SEMA5A: variants seen among roughly 807,000 people sequenced by gnomAD.
SEMA5A encodes semaphorin-5A.
A neutral mutation model predicts 135.5 loss-of-function variants in SEMA5A; 55 were observed. The ratio of observed to expected loss-of-function variants is 0.41; its 90% CI spans 0.33 to 0.51. The LOEUF (loss-of-function observed/expected upper bound fraction) is 0.51. SEMA5A is among the 20% of genes least tolerant of loss of function. The probability of loss-of-function intolerance (pLI) is 0.37; values close to 1 mark genes in which losing one functional copy is unlikely to be tolerated. For synonymous variants in SEMA5A, 580 were observed against 546.5 expected, an observed-to-expected ratio of 1.06 and a Z score of -0.85; for missense variants, 1,290 against 1,419.9, an observed-to-expected ratio of 0.91 and a Z score of 1.47.
intron 15 of SEMA5A, among the ~76,000 whole-genome samples, chr5:9,111,540 T>G (rs1011619675): frequency 6.6e-6 from 1 of 152,198 alleles, no homozygotes; most frequent in Admixed American, 6.5e-5. Flanking sequence ...TAATAAATTG[T>G]CTACTGAGCT....
intron 1 of SEMA5A, among the ~76,000 whole-genome samples, chr5:9,502,447 T>G (rs771032707): frequency 6.6e-6 from 1 of 152,202 alleles, no homozygotes; most frequent in Non-Finnish European, 1.5e-5. Flanking sequence ...TTGAAGTAGC[T>G]GAGACATTCA....
In SEMA5A at chr5:9,131,650, AAAAAAAAAC is replaced by A. The variant is rs1741437869; in HGVS notation, c.1599+4845_1599+4853del. ...AAAAAAAAAAAAAAAAAAAAAAAAA[AAAAAAAAAC>A]CTGTCATGTGAGCAATAGAGCAAGA... On this transcript the variant is annotated intron_variant, in intron 13 of 22. Coordinates refer to ENST00000382496, the MANE Select transcript of SEMA5A (RefSeq NM_003966.3). Among the ~76,000 whole-genome samples, 16 of 46,560 alleles carry A rather than the reference AAAAAAAAAC, an allele frequency of 3.4e-4. 4 individuals carry two copies. The highest frequency in any genetic ancestry group is 5.4e-4 in the Non-Finnish European group (10 of 18,562). 30.5% of individuals were successfully genotyped at this position (46,560 alleles called of 152,430 possible).
intron 14 of SEMA5A, among the ~76,000 whole-genome samples, chr5:9,119,983 G>C (rs1219050365): frequency 6.6e-6 from 1 of 151,938 alleles, no homozygotes; most frequent in African/African-American, 2.4e-5. Context: ...AAATGTTTTA[G>C]TATTGTATTT....
intron 15 of SEMA5A, among the ~76,000 whole-genome samples, chr5:9,118,300 T>A (rs993802590): frequency 1.3e-5 from 2 of 152,210 alleles, no homozygotes; most frequent in Admixed American, 1.3e-4. Flanking sequence ...TAAACATTAA[T>A]AGTATATTTA....
At chr5:9,543,154 A>T (rs999524472) in intron 1 of SEMA5A, among the ~76,000 whole-genome samples, 1 of 152,242 alleles carries the variant, frequency 6.6e-6, no homozygotes, top group Non-Finnish European at 1.5e-5. Context: ...GGCCACTAGC[A>T]CACGGTACAG....
At chr5:9,348,249 A>G (rs1753962930) in intron 3 of SEMA5A, among the ~76,000 whole-genome samples, 1 of 152,216 alleles carries the variant, frequency 6.6e-6, no homozygotes, top group Admixed American at 6.5e-5. Context: ...AACCATCTGA[A>G]GCAATTAATT....
At chr5:9,259,593 A>G (rs1247055945) in intron 5 of SEMA5A, among the ~76,000 whole-genome samples, 1 of 152,032 alleles carries the variant, frequency 6.6e-6, no homozygotes, top group African/African-American at 2.4e-5. Flanking sequence ...GCTGAGTTCA[A>G]TTCCTGGGTA....
rs117594794 is a variant in SEMA5A, at chr5:9,077,901, G to A, written c.2074-11255C>T. Among the ~76,000 whole-genome samples the A allele has an allele frequency of 1.1e-3, 167 of 152,288 alleles. 1 individual carries two copies. In the East Asian group the frequency reaches 0.029, roughly 26 times the overall value. On this transcript the variant is annotated intron_variant, in intron 16 of 22. Transcript: ENST00000382496. ...GCACAACATATATATGTGCGTGTAC[G>A]TACAAAAATGGAACTACCTTTCCTC...
chr5:9,139,340 T>C (rs1741937534), intron 12 of SEMA5A, among the ~76,000 whole-genome samples: 1 of 152,216 alleles, frequency 6.6e-6, no homozygotes, highest in Admixed American at 6.5e-5. Flanking sequence ...ATTATTAAAT[T>C]TGGACCAACC....
chr5:9,190,439 G>C lies in SEMA5A; in HGVS notation c.1101C>G (p.Asn367Lys). 2 of 1,613,740 alleles carry C rather than the reference G, an allele frequency of 1.2e-6. No individual in the cohort carries two copies. Among genetic ancestry groups the C allele is most frequent in the East Asian group, 4.5e-5 (2 of 44,856 alleles). ...CGTVDQGLYVNLTERNLQDAQ... is the reference protein window; with the variant it reads ...CGTVDQGLYVKLTERNLQDAQ... ...CATCCTGCAGATTTCTCTCGGTCAG[G>C]TTCACGTACAGGCCCTGGTCCACGG... Residue 367 changes from asparagine (N) to lysine (K), a missense_variant, in exon 11 of 23, where the codon AAC (asparagine) becomes AAG (lysine). Physicochemically the swap from Asn to Lys is moderately conservative, Grantham distance 94. Transcript: ENST00000382496.
intron 4 of SEMA5A, 69 bp from the exon 5 acceptor site, chr5:9,318,486 T>C (rs143837678): frequency 7.6e-7 from 1 of 1,309,784 alleles, no homozygotes; most frequent in Non-Finnish European, 1.1e-6. Flanking sequence ...TTATAAAAAT[T>C]TCAAGAACAA....
intron 11 of SEMA5A, among the ~76,000 whole-genome samples, chr5:9,163,978 T>C (rs1487446139): frequency 7.1e-6 from 1 of 140,530 alleles, no homozygotes; most frequent in Admixed American, 7.2e-5. Context: ...TTGTATTATA[T>C]AACAATTATA....
chr5:9,145,630 AAAG>A (rs1361291219), intron 12 of SEMA5A, among the ~76,000 whole-genome samples: 11 of 145,310 alleles, frequency 7.6e-5, no homozygotes, highest in African/African-American at 1.5e-4. Flanking sequence ...AGTAGATATT[AAAG>A]AAGAAAACTT....
intron 4 of SEMA5A, among the ~76,000 whole-genome samples, chr5:9,328,981 T>C (rs1752996189): frequency 6.6e-6 from 1 of 152,130 alleles, no homozygotes; most frequent in Non-Finnish European, 1.5e-5. Flanking sequence ...CTATAATTAC[T>C]TCCCCCTCTC....
At chr5:9,196,656 G>A (rs1283793447) in intron 10 of SEMA5A, among the ~76,000 whole-genome samples, 1 of 152,148 alleles carries the variant, frequency 6.6e-6, no homozygotes, top group Non-Finnish European at 1.5e-5. Context: ...TGAACCTCCT[G>A]CAGTTTTGTG....
intron 5 of SEMA5A, among the ~76,000 whole-genome samples, chr5:9,258,485 T>A (rs747905442): frequency 1.3e-5 from 2 of 152,150 alleles, no homozygotes; most frequent in African/African-American, 4.8e-5. Flanking sequence ...AAGGCCTCAA[T>A]GCACTGGCTC....
At chr5:9,481,294 T>C (rs1390066583) in intron 1 of SEMA5A, among the ~76,000 whole-genome samples, 1 of 152,104 alleles carries the variant, frequency 6.6e-6, no homozygotes, top group Non-Finnish European at 1.5e-5. Flanking sequence ...CCAAGAGCTT[T>C]CCTGTTTTAA....
chr5:9,404,330 C>T lies in SEMA5A; in HGVS notation c.-77-24307G>A, dbSNP rs201122660. The stretch of plus-strand genomic sequence containing the variant: ...CATATTTCCCAGAACCATGGTGATA[C>T]GCGTTTTCATTAGCTGCCTGCCATG... On this transcript the variant is annotated intron_variant, in intron 2 of 22. Coordinates refer to ENST00000382496, the MANE Select transcript of SEMA5A (RefSeq NM_003966.3). Among the ~76,000 whole-genome samples, 7 of 152,230 alleles carry T rather than the reference C, an allele frequency of 4.6e-5. No homozygotes were observed. In the East Asian group the frequency reaches 1.2e-3, roughly 25 times the overall value.
chr5:9,252,259 G>A (rs1251461550), intron 5 of SEMA5A, among the ~76,000 whole-genome samples: 1 of 152,154 alleles, frequency 6.6e-6, no homozygotes, highest in Non-Finnish European at 1.5e-5. Context: ...TTTCAACCCA[G>A]TTGTTATGAT....
Sources: allele counts gnomAD v4.1 joint callset (sites outside exome capture counted in the v4.1 genomes callset), GRCh38; gene constraint gnomAD v4.1.1; transcripts MANE v1.5; gene names NCBI Gene and HGNC (gene_info 2026-07-23, HGNC 2026-07-21).